The following DNAH1 variants were observed in gnomAD, a reference collection of about 807,000 sequenced individuals.
DNAH1 encodes axonemal beta dynein heavy chain 1.
Under a neutral mutation model 484.3 loss-of-function variants are expected in DNAH1, and 327 were observed. The observed-to-expected ratio is 0.68, with a 90% CI of 0.62 to 0.74. The LOEUF is 0.74. Ranked by LOEUF, DNAH1 falls within the 30% of genes least tolerant of loss-of-function variation. The probability of loss-of-function intolerance (pLI) is 0.00; values close to 1 mark genes in which losing one functional copy is unlikely to be tolerated. For synonymous variants in DNAH1, 2,192 were observed against 2,191.9 expected (o/e 1.00, Z 0.00); for missense variants, 5,052 against 5,546.8 (o/e 0.91, Z 2.83).
In DNAH1 at chr3:52,372,946, T is replaced by C; in HGVS notation, c.6878T>C (p.Ile2293Thr). Reference sequence around the variant, plus strand: ...CTGGGGCGCAACTTTATCTTCTTCATCGATGACCTGAACATGCCGGCCCTG... The same window carrying C: ...CTGGGGCGCAACTTTATCTTCTTCACCGATGACCTGAACATGCCGGCCCTG... ...PPLGRNFIFFIDDLNMPALET... is the reference protein window; with the variant it reads ...PPLGRNFIFFTDDLNMPALET... Residue 2293 changes from isoleucine to threonine, a missense_variant, in exon 44 of 78, where the codon ATC (isoleucine) becomes ACC (threonine). Around this residue, in one of 4 missense-constraint regions of DNAH1, gnomAD observed 2,929 missense variants for 3,409.4 expected, o/e 0.86. Coordinates refer to ENST00000420323, the MANE Select transcript of DNAH1 (RefSeq NM_015512.5). 1 of 1,613,762 alleles carries C rather than the reference T, an allele frequency of 6.2e-7. No homozygotes were observed. Among genetic ancestry groups the C allele is most frequent in the Non-Finnish European group, 8.5e-7 (1 of 1,179,826 alleles).
At chr3:52,363,974 G>C (rs1437717717) in intron 32 of DNAH1, among the ~76,000 whole-genome samples, 1 of 152,062 alleles carries the variant, frequency 6.6e-6, no homozygotes, top group Non-Finnish European at 1.5e-5. Flanking sequence ...CCCCCAATCA[G>C]AGCAACTATC....
At chr3:52,349,905 T>C in intron 14 of DNAH1, 84 bp from the exon 15 acceptor site, 1 of 1,511,526 alleles carries the variant, frequency 6.6e-7, no homozygotes. Context: ...TGTCGGGAGA[T>C]GCTGGAGACC....
chr3:52,395,300 C>T lies in DNAH1; in HGVS notation c.10969-8C>T. The T allele has an allele frequency of 6.2e-7, 1 of 1,612,832 alleles. No individual in the cohort carries two copies. Among genetic ancestry groups the T allele is most frequent in the South Asian group, 1.1e-5 (1 of 90,842 alleles). On this transcript the variant is annotated splice_region_variant and splice_polypyrimidine_tract_variant and intron_variant, in intron 68 of 77. Coordinates refer to ENST00000420323, the MANE Select transcript of DNAH1 (RefSeq NM_015512.5). This position sits in a 1 kb window ranked among gnomAD's most constrained non-coding sequence, Gnocchi z 4.4. ...AGGTGGTCTCAGCATCTCCCCCTGC[C>T]CTTGCAGACAGCCAATCTGTCAGTG...
At chr3:52,371,907 G>A in intron 41 of DNAH1, 39 bp from the exon 42 acceptor site, 1 of 1,605,304 alleles carries the variant, frequency 6.2e-7, no homozygotes, top group Non-Finnish European at 8.5e-7. Flanking sequence ...GGGGCAGGGA[G>A]GGGTTCCAGG....
chr3:52,368,817 G>A lies in DNAH1; in HGVS notation c.5842G>A (p.Asp1948Asn), dbSNP rs756992081. 5.0e-6 allele frequency: 8 copies of A among 1,614,012 alleles called. No individual in the cohort carries two copies. The highest frequency in any genetic ancestry group is 1.6e-4 in the Middle Eastern group (1 of 6,062). ...CACCAACAAGAAGTGGTACATGTTCGATGGGCCGGTGGATGCCATCTGGAT... is the reference window on the plus strand; with the variant it reads ...CACCAACAAGAAGTGGTACATGTTCAATGGGCCGGTGGATGCCATCTGGAT... ...SDTNKKWYMF[D>N]GPVDAIWIEN... is the part of the protein sequence containing the mutation. The change falls in exon 37 of 78, where the codon GAT becomes AAT. Residue 1948 changes from aspartate (D) to asparagine (N), a missense_variant. Physicochemically the swap from Asp to Asn is conservative, Grantham distance 23. This residue lies in a region of DNAH1 where 2,929 missense variants were observed against 3,409.4 expected (regional missense o/e 0.86). Coordinates refer to ENST00000420323, the MANE Select transcript of DNAH1 (RefSeq NM_015512.5). The surrounding 1 kb of genome is among the most constrained non-coding windows in gnomAD (Gnocchi z 4.4).
At chr3:52,348,582 C>A (rs1195116562) in intron 12 of DNAH1, among the ~76,000 whole-genome samples, 1 of 152,224 alleles carries the variant, frequency 6.6e-6, no homozygotes, top group Admixed American at 6.5e-5. Context: ...ACCCAGCTGT[C>A]TTTTCTGCAC....
chr3:52,386,042 C>G (rs1342686859), intron 54 of DNAH1, 118 bp from the exon 55 acceptor site: 14 of 1,181,240 alleles, frequency 1.2e-5, no homozygotes, highest in East Asian at 5.2e-5. Flanking sequence ...CCTCTCTGGC[C>G]TGTCACAGCT....
chr3:52,338,149 C>G (rs1444752858), intron 8 of DNAH1, among the ~76,000 whole-genome samples: 1 of 152,022 alleles, frequency 6.6e-6, no homozygotes, highest in Non-Finnish European at 1.5e-5. Context: ...TGTTTTGTCA[C>G]CCAGGCTGGA....
chr3:52,345,251 A>G (rs1463682785), intron 9 of DNAH1, among the ~76,000 whole-genome samples: 1 of 152,196 alleles, frequency 6.6e-6, no homozygotes, highest in Non-Finnish European at 1.5e-5. Context: ...TCTACTTCTC[A>G]GAGGAGCCTG....
Position 52,316,946 on chromosome 3 carries a change from T to C in DNAH1, c.-35+401T>C, listed in dbSNP as rs1700969502. Among the ~76,000 whole-genome samples the C allele has an allele frequency of 1.3e-5, 2 of 152,222 alleles. 1 individual carries two copies. Among genetic ancestry groups the C allele is most frequent in the South Asian group, 4.1e-4 (2 of 4,838 alleles). On this transcript the variant is annotated intron_variant, in intron 1 of 77. Transcript: ENST00000420323. Reference sequence around the variant, plus strand: ...GGGTGATGTTTTTCTTTTGGTTCTTTTGGTTTGTAAACCACTTCTTTCCCT... The same window carrying C: ...GGGTGATGTTTTTCTTTTGGTTCTTCTGGTTTGTAAACCACTTCTTTCCCT...
intron 58 of DNAH1, 33 bp from the exon 59 acceptor site, chr3:52,388,773 C>T (rs1386691208): frequency 3.1e-6 from 5 of 1,611,486 alleles, no homozygotes; most frequent in Non-Finnish European, 2.5e-6. Flanking sequence ...AGCCCAGCCT[C>T]CCAGAGCCCA....
rs1028300450 is a variant in DNAH1, at chr3:52,349,899, G to A, written c.2527-90G>A. The stretch of plus-strand genomic sequence containing the variant: ...GTGGTGGAGGGGACAGTTACCTGTC[G>A]GGAGATGCTGGAGACCAAGGAGGAA... On this transcript the variant is annotated intron_variant, in intron 14 of 77. Coordinates refer to ENST00000420323, the MANE Select transcript of DNAH1 (RefSeq NM_015512.5). 59 of 1,499,222 alleles carry A rather than the reference G, an allele frequency of 3.9e-5. No individual in the cohort carries two copies. The African/African-American group carries it at 4.6e-4, about 12-fold the overall frequency. The allele number at this position is 1,499,222 out of a possible 1,614,324, so 92.9% of individuals were successfully genotyped here.
At position 52,353,448 on chromosome 3, in the gene DNAH1, C is replaced by T; in HGVS notation, c.3295C>T (p.Gln1099Ter). ...EEFKPYIPLIQGLRNPGMRIR... is the reference protein window; with the variant it reads ...EEFKPYIPLI ...GTTCAAACCATACATCCCACTGATC[C>T]AGGGGCTGCGCAACCCTGGCATGCG... is the stretch of plus-strand genomic sequence containing the variant. The change falls in exon 20 of 78, where the codon CAG becomes TAG. Residue 1099 changes from glutamine to a stop codon, truncating the protein, a stop_gained. Coordinates refer to ENST00000420323, the MANE Select transcript of DNAH1 (RefSeq NM_015512.5). LOFTEE classifies it high-confidence loss of function. This position sits in a 1 kb window ranked among gnomAD's most constrained non-coding sequence, Gnocchi z 5.0. The T allele has an allele frequency of 1.2e-6, 2 of 1,613,936 alleles. No individual in the cohort carries two copies. Among genetic ancestry groups the T allele is most frequent in the South Asian group, 2.2e-5 (2 of 91,084 alleles).
At position 52,375,291 on chromosome 3, in the gene DNAH1, C is replaced by T. The variant is rs759122445; in HGVS notation, c.7037C>T (p.Pro2346Leu). ...DINFVCAMGP[P>L]GGGRNTVTPR... ...AACTTTGTCTGTGCCATGGGCCCCCCGGGTGGAGGCAGGAACACCGTCACC... is the reference window on the plus strand; with the variant it reads ...AACTTTGTCTGTGCCATGGGCCCCCTGGGTGGAGGCAGGAACACCGTCACC... The change falls in exon 45 of 78, where the codon CCG becomes CTG. Residue 2346 changes from proline to leucine, a missense_variant. Around this residue, in one of 4 missense-constraint regions of DNAH1, gnomAD observed 2,929 missense variants for 3,409.4 expected, o/e 0.86. Coordinates refer to ENST00000420323, the MANE Select transcript of DNAH1 (RefSeq NM_015512.5). 159 of 1,611,934 alleles carry T rather than the reference C, an allele frequency of 9.9e-5. 1 individual carries two copies. The South Asian group carries it at 1.4e-3, about 14-fold the overall frequency.
Position 52,332,269 on chromosome 3 carries a change from A to AC in DNAH1, c.1162dup (p.Leu388ProfsTer14). ...ACGCCCTGCGCAAGAACACGGAAGC[A>AC]CTGCTGCTCTACAACTTGTATGTGG... On this transcript the variant is annotated frameshift_variant, in exon 8 of 78. Coordinates refer to ENST00000420323, the MANE Select transcript of DNAH1 (RefSeq NM_015512.5). LOFTEE classifies it high-confidence loss of function. 1 of 1,614,080 alleles carries AC rather than the reference A, an allele frequency of 6.2e-7. No homozygotes were observed. Among genetic ancestry groups the AC allele is most frequent in the Non-Finnish European group, 8.5e-7 (1 of 1,179,902 alleles).
At chr3:52,318,954 C>T (rs1008611596) in intron 1 of DNAH1, among the ~76,000 whole-genome samples, 5 of 152,202 alleles carry the variant, frequency 3.3e-5, no homozygotes, top group Admixed American at 6.5e-5. Flanking sequence ...TAGAAGCCCT[C>T]CTGCTTATGT....
chr3:52,341,179 C>A (rs887836202), intron 8 of DNAH1, among the ~76,000 whole-genome samples: 3 of 152,110 alleles, frequency 2.0e-5, no homozygotes, highest in African/African-American at 7.2e-5. Flanking sequence ...GCAGGAAAAC[C>A]AATGCAGGAC....
At position 52,323,807 on chromosome 3, in the gene DNAH1, G is replaced by A. The variant is rs1234567642; in HGVS notation, c.334-1G>A. 1.9e-6 allele frequency: 3 copies of A among 1,589,514 alleles called. No individual in the cohort carries two copies. The African/African-American group carries it at 4.0e-5, about 21-fold the overall frequency. ...CTCAGGGCTCCATGGTTTGGTTTCA[G>A]GAGGTATGTCGTGGCCCCCGAATGA... On this transcript the variant is annotated splice_acceptor_variant, in intron 2 of 77. Transcript: ENST00000420323. LOFTEE classifies it high-confidence loss of function.
At chr3:52,400,220 C>T (rs1009660316) in intron 77 of DNAH1, 105 bp from the exon 78 acceptor site, 2 of 1,494,988 alleles carry the variant, frequency 1.3e-6, no homozygotes, top group Non-Finnish European at 1.8e-6. Flanking sequence ...GGTCAGGGCC[C>T]CCTCCCTGTC....
Sources: allele counts gnomAD v4.1 joint callset (sites outside exome capture counted in the v4.1 genomes callset), GRCh38; gene constraint gnomAD v4.1.1; regional missense constraint gnomAD v4.1.1; non-coding constraint Gnocchi (gnomAD v3.1); transcripts MANE v1.5; gene names NCBI Gene and HGNC (gene_info 2026-07-23, HGNC 2026-07-21).